Variants in HYAL4 observed in about 807,000 individuals in gnomAD.
The protein encoded by HYAL4 is hyaluronidase 4.
HYAL4 carries 37 observed loss-of-function variants against 35.2 expected under a neutral mutation model. The ratio of observed to expected loss-of-function variants is 1.05; its 90% CI spans 0.81 to 1.38. The LOEUF (loss-of-function observed/expected upper bound fraction) is 1.38, where lower values mean the gene tolerates loss of function less well. HYAL4 is among the 40% of genes most tolerant of loss of function. HYAL4 has a pLI of 0.00. For synonymous variants in HYAL4, 198 were observed against 203.2 expected (o/e 0.97, Z 0.22); for missense variants, 572 against 572.4 (o/e 1.00, Z 0.01).
At chr7:123,874,684 C>T (rs1266671431) in intron 3 of HYAL4, 77 bp from the exon 4 acceptor site, 13 of 831,968 alleles carry the variant, frequency 1.6e-5, no homozygotes, top group African/African-American at 5.0e-5. Flanking sequence ...GGATTACAGG[C>T]GTGAGCCACC....
the HYAL4 span, among the ~76,000 whole-genome samples, chr7:123,771,599 C>A: frequency 6.6e-6 from 1 of 152,052 alleles, no homozygotes; most frequent in Non-Finnish European, 1.5e-5. Context: ...CAATTTAAAA[C>A]CTTTTAGTTG....
chr7:123,869,279 G>T, intron 3 of HYAL4, 52 bp downstream of exon 3: 1 of 1,195,778 alleles, frequency 8.4e-7, no homozygotes. Flanking sequence ...TCTCTAAAAG[G>T]ACATTTCTTT....
chr7:123,871,013 GCTT>G (rs1030686108), intron 3 of HYAL4, among the ~76,000 whole-genome samples: 16 of 152,042 alleles, frequency 1.1e-4, no homozygotes, highest in African/African-American at 2.4e-4. Context: ...CCTGGTATAA[GCTT>G]CTTTTTCTAT....
chr7:123,875,793 A>T (rs1807007235), intron 4 of HYAL4, among the ~76,000 whole-genome samples: 1 of 151,806 alleles, frequency 6.6e-6, no homozygotes. Flanking sequence ...ATATTTCCAG[A>T]TGCGGTTTGT....
At chr7:123,789,012 G>T in the HYAL4 span, among the ~76,000 whole-genome samples, 5 of 152,214 alleles carry the variant, frequency 3.3e-5, no homozygotes, top group African/African-American at 4.8e-5. Context: ...TTACTTATAG[G>T]ACTTGTTATG....
At chr7:123,860,243 T>G (rs1806547905) in intron 2 of HYAL4, among the ~76,000 whole-genome samples, 1 of 152,180 alleles carries the variant, frequency 6.6e-6, no homozygotes, top group South Asian at 2.1e-4. Flanking sequence ...CATAGGGAAC[T>G]GTGAGTAAAT....
the HYAL4 span, among the ~76,000 whole-genome samples, chr7:123,801,693 AATTTTGC>A: frequency 6.6e-6 from 1 of 152,068 alleles, no homozygotes; most frequent in African/African-American, 2.4e-5. Context: ...CCTAGTCCTC[AATTTTGC>A]AGGCTAAGTA....
At chr7:123,791,782 T>A in the HYAL4 span, among the ~76,000 whole-genome samples, 1 of 152,180 alleles carries the variant, frequency 6.6e-6, no homozygotes. Flanking sequence ...TCAAAATTCC[T>A]CTCTGCTGAC....
the HYAL4 span, among the ~76,000 whole-genome samples, chr7:123,799,560 G>T: frequency 3.3e-5 from 5 of 151,768 alleles, no homozygotes; most frequent in East Asian, 9.7e-4. Flanking sequence ...AGGCCAAGGG[G>T]TGTGAATCTC....
the HYAL4 span, among the ~76,000 whole-genome samples, chr7:123,770,441 A>G: frequency 5.0e-5 from 6 of 120,596 alleles, no homozygotes; most frequent in African/African-American, 1.6e-4. Context: ...GACTCCATCT[A>G]AAAAAAAAAA....
At chr7:123,840,140 A>G (rs182918894), upstream of HYAL4, among the ~76,000 whole-genome samples, 119 of 152,276 alleles carry the variant, frequency 7.8e-4, no homozygotes, top group Admixed American at 3.5e-3. Context: ...TTAACCTTTA[A>G]TCCATCTTGA....
At chr7:123,770,712 T>C in the HYAL4 span, among the ~76,000 whole-genome samples, 17 of 151,698 alleles carry the variant, frequency 1.1e-4, no homozygotes, top group Admixed American at 2.0e-4. Context: ...CAGCAGACAA[T>C]AGGAAGTAGT....
chr7:123,807,807 C>T, the HYAL4 span, among the ~76,000 whole-genome samples: 76 of 151,594 alleles, frequency 5.0e-4, no homozygotes, highest in East Asian at 3.1e-3. Flanking sequence ...TCATAGTTCG[C>T]GGTAGCCTCA....
chr7:123,874,184 C>T (rs1349715209), intron 3 of HYAL4, among the ~76,000 whole-genome samples: 4 of 152,170 alleles, frequency 2.6e-5, no homozygotes, highest in Non-Finnish European at 5.9e-5. Flanking sequence ...CTATTTACAG[C>T]CTCATTGCCT....
the HYAL4 span, among the ~76,000 whole-genome samples, chr7:123,796,374 G>A: frequency 6.6e-6 from 1 of 152,086 alleles, no homozygotes; most frequent in Non-Finnish European, 1.5e-5. Flanking sequence ...ACATTTACGT[G>A]GTGTTTATAA....
At chr7:123,815,259 G>C in the HYAL4 span, among the ~76,000 whole-genome samples, 1 of 152,078 alleles carries the variant, frequency 6.6e-6, no homozygotes, top group Non-Finnish European at 1.5e-5. Flanking sequence ...TACCAGCTTA[G>C]CATTCACAGG....
chr7:123,766,012 CTT>C, the HYAL4 span, among the ~76,000 whole-genome samples: 4 of 152,076 alleles, frequency 2.6e-5, no homozygotes, highest in African/African-American at 9.7e-5. Flanking sequence ...AACTTCATAT[CTT>C]TCTCTCGTTT....
At chr7:123,794,358 C>T in the HYAL4 span, among the ~76,000 whole-genome samples, 3 of 152,202 alleles carry the variant, frequency 2.0e-5, no homozygotes, top group Non-Finnish European at 4.4e-5. Context: ...GCATAAGTAA[C>T]AAGAGGTGAA....
chr7:123,797,877 A>T, the HYAL4 span, among the ~76,000 whole-genome samples: 4 of 152,214 alleles, frequency 2.6e-5, no homozygotes, highest in Non-Finnish European at 4.4e-5. Flanking sequence ...GTTCCCCAGG[A>T]CTCAATTCCA....
Sources: allele counts gnomAD v4.1 joint callset (sites outside exome capture counted in the v4.1 genomes callset), GRCh38; gene constraint gnomAD v4.1.1; transcripts MANE v1.5; gene names NCBI Gene and HGNC (gene_info 2026-07-23, HGNC 2026-07-21).